The following COL4A4 variants were observed in gnomAD, a reference collection of about 807,000 sequenced individuals.
COL4A4 encodes the protein collagen type IV alpha 4 chain, also known as collagen alpha-4(IV) chain.
Under a neutral mutation model 192.9 loss-of-function variants are expected in COL4A4, and 105 were observed. The ratio of observed to expected loss-of-function variants is 0.54; its 90% CI spans 0.46 to 0.64. The LOEUF (loss-of-function observed/expected upper bound fraction) is 0.64, where lower values mean the gene tolerates loss of function less well. COL4A4 is among the 30% of genes least tolerant of loss of function. COL4A4 has a pLI of 0.00. For synonymous variants in COL4A4, 762 were observed against 769.9 expected (o/e 0.99, Z 0.17); for missense variants, 1,967 against 2,169.3 (o/e 0.91, Z 1.85).
intron 3 of COL4A4, among the ~76,000 whole-genome samples, chr2:227,142,573 G>A (rs2063292400): frequency 6.6e-6 from 1 of 152,096 alleles, no homozygotes; most frequent in Non-Finnish European, 1.5e-5. Context: ...GGCCAACATG[G>A]TGAAACCCCG....
rs1239111900 is a variant in COL4A4 at position 227,006,667 on chromosome 2, A to T, written c.*658T>A. The T allele has an allele frequency of 4.6e-5, 7 of 153,642 alleles. No individual in the cohort carries two copies. Among genetic ancestry groups the T allele is most frequent in the Admixed American group, 4.5e-4 (7 of 15,510 alleles). The allele number at this position is 153,642 out of a possible 1,614,324, so 9.5% of individuals were successfully genotyped here. A position where few individuals can be genotyped will look rare whatever the true frequency, so the allele number is the denominator to read the frequency against. ...ATTCATCTGTGATGTGTTTATGCTA[A>T]TGTCGCATCTCTGGAATACGGCGAC... On this transcript the variant is annotated 3_prime_UTR_variant, in exon 48 of 48. Transcript: ENST00000396625.
At chr2:227,059,826 G>A (rs1432244442) in intron 27 of COL4A4, among the ~76,000 whole-genome samples, 3 of 152,120 alleles carry the variant, frequency 2.0e-5, no homozygotes, top group Non-Finnish European at 4.4e-5. Context: ...AGCCAATGAT[G>A]TTTCCCTAAT....
chr2:227,071,394 CA>C (rs2058714885), intron 25 of COL4A4, among the ~76,000 whole-genome samples: 1 of 151,896 alleles, frequency 6.6e-6, no homozygotes, highest in African/African-American at 2.4e-5. Flanking sequence ...CTTTTAGATT[CA>C]AAAAACAATT....
intron 4 of COL4A4, among the ~76,000 whole-genome samples, chr2:227,128,010 C>T (rs952251765): frequency 6.6e-6 from 1 of 152,160 alleles, no homozygotes; most frequent in Non-Finnish European, 1.5e-5. Context: ...ATTTATTAGG[C>T]TTGGTTATGG....
At chr2:226,974,135 T>C in the COL4A4 span, among the ~76,000 whole-genome samples, 58 of 152,328 alleles carry the variant, frequency 3.8e-4, no homozygotes, top group South Asian at 4.6e-3. Flanking sequence ...ATAATTAGCA[T>C]TCTGAGTCTT....
intron 3 of COL4A4, among the ~76,000 whole-genome samples, chr2:227,140,862 T>C (rs1180896184): frequency 6.9e-6 from 1 of 145,414 alleles, no homozygotes; most frequent in Non-Finnish European, 1.5e-5. Flanking sequence ...TTTCCAACAC[T>C]GTCTTTAGAG....
At chr2:227,112,457 C>CG (rs1217789548) in intron 8 of COL4A4, among the ~76,000 whole-genome samples, 1 of 151,968 alleles carries the variant, frequency 6.6e-6, no homozygotes, top group Non-Finnish European at 1.5e-5. Context: ...TTTTAGTAGA[C>CG]GGGGTTTCAC....
chr2:227,108,390 A>C (rs1028936579), intron 12 of COL4A4, among the ~76,000 whole-genome samples, 191 bp downstream of exon 12: 2 of 152,206 alleles, frequency 1.3e-5, no homozygotes, highest in Non-Finnish European at 2.9e-5. Context: ...GTAGTGTTAA[A>C]TTGTGTCAGA....
chr2:227,014,533 G>T (rs1964473734), intron 44 of COL4A4, among the ~76,000 whole-genome samples: 1 of 152,168 alleles, frequency 6.6e-6, no homozygotes, highest in Non-Finnish European at 1.5e-5. Flanking sequence ...GCAAACACAA[G>T]TACTGTTTAT....
At chr2:227,100,835 C>T (rs1316097183) in intron 17 of COL4A4, among the ~76,000 whole-genome samples, 5 of 150,074 alleles carry the variant, frequency 3.3e-5, no homozygotes, top group Non-Finnish European at 5.9e-5. Flanking sequence ...GATGGAGTCT[C>T]ACTCTGTTGC....
intron 44 of COL4A4, among the ~76,000 whole-genome samples, chr2:227,014,719 T>C (rs1964505155): frequency 6.7e-6 from 1 of 149,934 alleles, no homozygotes; most frequent in Admixed American, 6.6e-5. Flanking sequence ...TTGTGTTTTG[T>C]TTGTTTTTCC....
At chr2:227,009,397 A>T (rs1417831503) in intron 46 of COL4A4, among the ~76,000 whole-genome samples, 1 of 152,184 alleles carries the variant, frequency 6.6e-6, no homozygotes, top group African/African-American at 2.4e-5. Context: ...CGCAGCTTGC[A>T]AATCTACTAT....
chr2:227,156,083 A>G (rs1380290937), intron 1 of COL4A4, among the ~76,000 whole-genome samples: 1 of 151,980 alleles, frequency 6.6e-6, no homozygotes, highest in African/African-American at 2.4e-5. Context: ...AGAGCTCACA[A>G]TACATTGGGA....
intron 9 of COL4A4, 105 bp from the exon 10 acceptor site, chr2:227,109,391 A>G (rs1296300642): frequency 1.1e-6 from 1 of 946,556 alleles, no homozygotes; most frequent in African/African-American, 1.6e-5. Flanking sequence ...TAAAGAAATC[A>G]CAGCCACCAG....
chr2:227,048,726 T>C (rs10187255), intron 34 of COL4A4, among the ~76,000 whole-genome samples: 1 of 151,888 alleles, frequency 6.6e-6, no homozygotes, highest in Admixed American at 6.6e-5. Context: ...AATACAAGCA[T>C]GAAGGAAGTG....
intron 12 of COL4A4, among the ~76,000 whole-genome samples, chr2:227,107,623 A>G (rs1240610832): frequency 6.6e-6 from 1 of 151,874 alleles, no homozygotes; most frequent in Non-Finnish European, 1.5e-5. Context: ...AAATCCCCAC[A>G]CCCAGTGTCA....
intron 31 of COL4A4, among the ~76,000 whole-genome samples, chr2:227,052,838 T>C (rs1366407601): frequency 2.0e-5 from 3 of 152,168 alleles, no homozygotes; most frequent in Non-Finnish European, 4.4e-5. Context: ...CAGACACTTA[T>C]CTCAATGTGG....
chr2:227,090,816 G>C (rs895284754), intron 20 of COL4A4, among the ~76,000 whole-genome samples: 105 of 148,074 alleles, frequency 7.1e-4, no homozygotes, highest in African/African-American at 2.6e-3. Context: ...AAACCCACAG[G>C]ACAAGGAAAA....
At chr2:227,111,514 C>G (rs4306711) in intron 9 of COL4A4, among the ~76,000 whole-genome samples, 164 bp downstream of exon 9, 1 of 151,840 alleles carries the variant, frequency 6.6e-6, no homozygotes, top group Admixed American at 6.6e-5. Context: ...GTTCTGTGGT[C>G]GCCATCTTGA....
Sources: gnomAD v4.1 joint callset for allele counts (sites outside exome capture counted in the v4.1 genomes callset) on GRCh38, gnomAD v4.1.1 for gene constraint, MANE v1.5 for transcripts, NCBI Gene and HGNC (gene_info 2026-07-23, HGNC 2026-07-21) for gene names.